The following GLRX variants were observed in gnomAD, a reference collection of about 807,000 sequenced individuals.
GLRX encodes glutaredoxin.
A neutral mutation model predicts 11.1 loss-of-function variants in GLRX; 9 were observed. The observed-to-expected ratio is 0.81, with a 90% confidence interval of 0.49 to 1.42. GLRX has a LOEUF of 1.42. Ranked by LOEUF, GLRX falls within the 40% of genes most tolerant of loss-of-function variation. The pLI is 0.00. For synonymous variants in GLRX, 49 were observed against 49.5 expected (o/e 0.99, Z 0.04); for missense variants, 102 against 126.2 (o/e 0.81, Z 0.92).
chr5:95,820,432 T>C (rs964348714), intron 1 of GLRX, among the ~76,000 whole-genome samples: 1 of 150,398 alleles, frequency 6.6e-6, no homozygotes, highest in Admixed American at 6.6e-5. Context: ...AAAAAGCAAT[T>C]GTTGACCAGG....
rs180808261 is a variant in GLRX, at chr5:95,821,830, T to G, written c.207+626A>C. ...TGCAGCTGGGATCTTTGAGGACTACTGGGGTGGTGACTTGCCCAGGATCAC... is the reference window on the plus strand; with the variant it reads ...TGCAGCTGGGATCTTTGAGGACTACGGGGGTGGTGACTTGCCCAGGATCAC... On this transcript the variant is annotated intron_variant, in intron 1 of 2. Transcript: ENST00000237858. Among the ~76,000 whole-genome samples, 777 of 152,212 alleles carry G rather than the reference T, an allele frequency of 5.1e-3. 15 individuals carry two copies. The South Asian group carries it at 0.059, about 12-fold the overall frequency.
At chr5:95,819,897 CAA>C (rs35347478) in intron 1 of GLRX, among the ~76,000 whole-genome samples, 5 of 54,178 alleles carry the variant, frequency 9.2e-5, no homozygotes, top group South Asian at 1.9e-3. Context: ...GACTCCGTCT[CAA>C]AAAAAAAAAA....
At chr5:95,821,400 C>T (rs1299979430) in intron 1 of GLRX, among the ~76,000 whole-genome samples, 3 of 152,144 alleles carry the variant, frequency 2.0e-5, no homozygotes, top group Non-Finnish European at 4.4e-5. Flanking sequence ...AGGACCTCAG[C>T]ACACAGCAGT....
chr5:95,820,941 C>A (rs1305377095), intron 1 of GLRX, among the ~76,000 whole-genome samples: 3 of 152,058 alleles, frequency 2.0e-5, no homozygotes, highest in Non-Finnish European at 4.4e-5. Context: ...CATGGTGAAA[C>A]CCCGTCTCTA....
At chr5:95,819,539 A>T (rs1415029138) in intron 1 of GLRX, 1 of 152,200 alleles carries the variant, frequency 6.6e-6, no homozygotes. Context: ...GATTGAAGCC[A>T]CTAACTTTCC....
Position 95,822,698 on chromosome 5 carries a change from A to T in GLRX, c.-36T>A, listed in dbSNP as rs201485859. On this transcript the variant is annotated 5_prime_UTR_variant, in exon 1 of 3. Coordinates refer to ENST00000237858, the MANE Select transcript of GLRX (RefSeq NM_001118890.2). The stretch of plus-strand genomic sequence containing the variant: ...TGCGGTCTCCCCGGGAAGAATCCTC[A>T]GTTGCAGGTATTGCTTGGGGTATTG... The T allele has an allele frequency of 6.4e-7, 1 of 1,570,644 alleles. No homozygotes were observed. The highest frequency in any genetic ancestry group is 8.8e-7 in the Non-Finnish European group (1 of 1,142,282).
chr5:95,816,474 T>A (rs1220085844), intron 2 of GLRX, 33 bp downstream of exon 2: 1 of 993,902 alleles, frequency 1.0e-6, no homozygotes, highest in East Asian at 2.4e-5. Flanking sequence ...CGGTCTCCCA[T>A]GTTCCTGGCC....
intron 1 of GLRX, chr5:95,822,178 G>C: frequency 2.0e-6 from 1 of 511,526 alleles, no homozygotes; most frequent in Non-Finnish European, 3.5e-6. Flanking sequence ...AATTCCCCAG[G>C]GACTCACCGG....
chr5:95,816,679 A>T, intron 1 of GLRX, 53 bp from the exon 2 acceptor site: 1 of 893,262 alleles, frequency 1.1e-6, no homozygotes, highest in East Asian at 2.4e-5. Context: ...TAGACAGAAC[A>T]TTTCTATCCT....
At chr5:95,817,975 G>A (rs1474920641) in intron 1 of GLRX, 1 of 152,222 alleles carries the variant, frequency 6.6e-6, no homozygotes, top group African/African-American at 2.4e-5. Flanking sequence ...GGGTCTGGGT[G>A]AAGGTAGGCA....
intron 1 of GLRX, 32 bp downstream of exon 1, chr5:95,822,424 G>A: frequency 6.5e-7 from 1 of 1,538,902 alleles, no homozygotes; most frequent in Non-Finnish European, 9.0e-7. Flanking sequence ...CAATCCGGGA[G>A]CCTTTCCCTA....
intron 1 of GLRX, chr5:95,816,996 T>G (rs1287865618): frequency 5.8e-6 from 1 of 173,522 alleles, no homozygotes; most frequent in African/African-American, 2.4e-5. Context: ...GATTGTAAAC[T>G]GGGTCACAGC....
rs764370233 is a variant in GLRX, at chr5:95,816,641, G to A, written c.208-15C>T. 9.3e-5 allele frequency: 112 copies of A among 1,202,536 alleles called. 1 individual carries two copies. Among genetic ancestry groups the A allele is most frequent in the South Asian group, 5.8e-4 (48 of 82,868 alleles). 74.5% of individuals were successfully genotyped at this position (1,202,536 alleles called of 1,614,324 possible). A position where few individuals can be genotyped will look rare whatever the true frequency, so the allele number is the denominator to read the frequency against. On this transcript the variant is annotated splice_polypyrimidine_tract_variant and intron_variant, in intron 1 of 2. Transcript: ENST00000237858. Reference sequence around the variant, plus strand: ...ACTCGAGGCACCTAAAAAAGCACACGACCCAGGACATTACTACATTACTAG... The same window carrying A: ...ACTCGAGGCACCTAAAAAAGCACACAACCCAGGACATTACTACATTACTAG...
Position 95,822,697 on chromosome 5 carries a change from C to A in GLRX, c.-35G>T, listed in dbSNP as rs768353572. 1 of 1,574,096 alleles carries A rather than the reference C, an allele frequency of 6.4e-7. No homozygotes were observed. The highest frequency in any genetic ancestry group is 8.7e-7 in the Non-Finnish European group (1 of 1,145,124). On this transcript the variant is annotated 5_prime_UTR_variant, in exon 1 of 3. Coordinates refer to ENST00000237858, the MANE Select transcript of GLRX (RefSeq NM_001118890.2). ...CTGCGGTCTCCCCGGGAAGAATCCTCAGTTGCAGGTATTGCTTGGGGTATT... is the reference window on the plus strand; with the variant it reads ...CTGCGGTCTCCCCGGGAAGAATCCTAAGTTGCAGGTATTGCTTGGGGTATT...
chr5:95,813,865 C>A lies in GLRX; in HGVS notation c.*531G>T, dbSNP rs1746883321. On this transcript the variant is annotated 3_prime_UTR_variant, in exon 3 of 3. Coordinates refer to ENST00000237858, the MANE Select transcript of GLRX (RefSeq NM_001118890.2). ...CTCAGTGAGTGACAGCAGCACGTGTCTTTATTTATAATGGCAGGGCCAAAT... is the reference window on the plus strand; with the variant it reads ...CTCAGTGAGTGACAGCAGCACGTGTATTTATTTATAATGGCAGGGCCAAAT... 6.6e-6 allele frequency: 1 copy of A among 152,208 alleles called. No homozygotes were observed. The highest frequency in any genetic ancestry group is 6.5e-5 in the Admixed American group (1 of 15,282). 9.4% of individuals were successfully genotyped at this position (152,208 alleles called of 1,614,324 possible). A position where few individuals can be genotyped will look rare whatever the true frequency, so the allele number is the denominator to read the frequency against.
chr5:95,816,280 T>C (rs1218240614), intron 2 of GLRX: 2 of 482,240 alleles, frequency 4.1e-6, no homozygotes, highest in East Asian at 3.7e-5. Context: ...GTCTGGCACA[T>C]GCTTAATAAA....
At chr5:95,818,745 A>G (rs1330738285) in intron 1 of GLRX, 1 of 152,342 alleles carries the variant, frequency 6.6e-6, no homozygotes, top group Non-Finnish European at 1.5e-5. Flanking sequence ...AAATGGGGTC[A>G]GATCAAGTGA....
At chr5:95,821,486 C>T (rs1288581801) in intron 1 of GLRX, among the ~76,000 whole-genome samples, 1 of 152,062 alleles carries the variant, frequency 6.6e-6, no homozygotes, top group Non-Finnish European at 1.5e-5. Flanking sequence ...GAAACAACCT[C>T]CAATGCTTTA....
chr5:95,816,684 T>C, intron 1 of GLRX, 58 bp from the exon 2 acceptor site: 1 of 871,032 alleles, frequency 1.1e-6, no homozygotes, highest in Non-Finnish European at 2.0e-6. Context: ...AGAACATTTC[T>C]ATCCTACCAC....
Sources: gnomAD v4.1 joint callset for allele counts (sites outside exome capture counted in the v4.1 genomes callset) on GRCh38, gnomAD v4.1.1 for gene constraint, MANE v1.5 for transcripts, NCBI Gene and HGNC (gene_info 2026-07-23, HGNC 2026-07-21) for gene names.